The following DOCK2 variants were observed in gnomAD, a reference collection of about 807,000 sequenced individuals.
DOCK2 encodes the protein dedicator of cytokinesis 2.
DOCK2 carries 87 observed loss-of-function variants against 248.9 expected under a neutral mutation model. The ratio of observed to expected loss-of-function variants is 0.35; its 90% CI spans 0.29 to 0.42. The LOEUF (loss-of-function observed/expected upper bound fraction) is 0.42, where lower values mean the gene tolerates loss of function less well. Among genes scored for constraint, DOCK2 ranks in the 10% least tolerant of loss-of-function variants. The pLI is 1.00. For synonymous variants in DOCK2, 805 were observed against 821.6 expected, an observed-to-expected ratio of 0.98 and a Z score of 0.35; for missense variants, 1,747 against 2,300.2, an observed-to-expected ratio of 0.76 and a Z score of 4.92.
chr5:169,717,251 AAG>A (rs1334808556), intron 20 of DOCK2, 131 bp from the exon 21 acceptor site: 3 of 676,160 alleles, frequency 4.4e-6, no homozygotes, highest in Non-Finnish European at 7.8e-6. Context: ...TACCTTAATA[AAG>A]AGAACTCATT....
chr5:170,008,466 C>T, intron 30 of DOCK2, 31 bp from the exon 31 acceptor site: 1 of 1,612,080 alleles, frequency 6.2e-7, no homozygotes, highest in Non-Finnish European at 8.5e-7. Flanking sequence ...CAGACCCTCT[C>T]CATAACTGTT....
At position 169,699,394 on chromosome 5, in the gene DOCK2, G is replaced by A. The variant is rs1312770815; in HGVS notation, c.1068G>A (p.Glu356=). 1 of 1,613,230 alleles carries A rather than the reference G, an allele frequency of 6.2e-7. No homozygotes were observed. Among genetic ancestry groups the A allele is most frequent in the Non-Finnish European group, 8.5e-7 (1 of 1,179,570 alleles). Residue 356 remains glutamate, a synonymous_variant, in exon 12 of 52, where the codon GAG becomes GAA. Transcript: ENST00000520908. ...TTTTCCTTTCCAGGGTTACAGCTGA[G>A]AATGACTTCCTACACAGCCTGCTGG... is the stretch of plus-strand genomic sequence containing the variant. ...HFIPFHPVTA[E]NDFLHSLLGK... is the part of the protein sequence containing the mutation.
intron 26 of DOCK2, among the ~76,000 whole-genome samples, chr5:169,829,908 C>T (rs919602856): frequency 6.6e-6 from 1 of 152,158 alleles, no homozygotes; most frequent in Admixed American, 6.5e-5. Flanking sequence ...AAGCAGATGA[C>T]CCTGTTCTTC....
chr5:169,860,745 A>G (rs986192642), intron 27 of DOCK2, among the ~76,000 whole-genome samples: 4 of 152,212 alleles, frequency 2.6e-5, no homozygotes, highest in African/African-American at 7.2e-5. Flanking sequence ...TCTCTCAAAC[A>G]TCCTGTTTAG....
chr5:170,012,280 T>C (rs566154508), intron 32 of DOCK2, among the ~76,000 whole-genome samples: 13 of 147,574 alleles, frequency 8.8e-5, no homozygotes, highest in African/African-American at 1.2e-4. Flanking sequence ...TGACCAACGA[T>C]CTACGTTTTT....
At chr5:169,792,785 G>A (rs1766427626) in intron 25 of DOCK2, among the ~76,000 whole-genome samples, 1 of 152,168 alleles carries the variant, frequency 6.6e-6, no homozygotes, top group African/African-American at 2.4e-5. Flanking sequence ...ATCATTCTAA[G>A]CATTAGGAAA....
At chr5:169,985,728 T>C (rs1388518925) in intron 28 of DOCK2, 100 bp from the exon 29 acceptor site, 4 of 844,028 alleles carry the variant, frequency 4.7e-6, no homozygotes, top group Non-Finnish European at 7.0e-6. Context: ...CCTTCCCTTT[T>C]CCTCCCTCCA....
intron 1 of DOCK2, among the ~76,000 whole-genome samples, chr5:169,638,361 C>T (rs1467175601): frequency 1.3e-5 from 2 of 152,078 alleles, no homozygotes. Flanking sequence ...AAATGGTCCC[C>T]ATCCAGAGAA....
chr5:169,986,045 C>A (rs1393863975), intron 29 of DOCK2, 123 bp downstream of exon 29: 2 of 890,094 alleles, frequency 2.2e-6, no homozygotes, highest in Non-Finnish European at 3.3e-6. Context: ...TTAAGGCATG[C>A]TTTCTTTCTA....
At chr5:169,797,549 C>T (rs1352837475) in intron 25 of DOCK2, among the ~76,000 whole-genome samples, 1 of 152,220 alleles carries the variant, frequency 6.6e-6, no homozygotes, top group African/African-American at 2.4e-5. Flanking sequence ...CCGCATTTTC[C>T]TCTCTGCAGT....
intron 27 of DOCK2, among the ~76,000 whole-genome samples, chr5:169,886,311 A>G (rs991546030): frequency 8.5e-5 from 13 of 152,184 alleles, no homozygotes; most frequent in African/African-American, 3.1e-4. Context: ...CTCTGAGGAG[A>G]TGAACCTACT....
At chr5:169,885,503 A>G (rs1420952414) in intron 27 of DOCK2, among the ~76,000 whole-genome samples, 2 of 152,232 alleles carry the variant, frequency 1.3e-5, no homozygotes, top group African/African-American at 4.8e-5. Context: ...TTTAAGGACA[A>G]AATTCTCCCC....
At chr5:169,731,245 C>T (rs1762753198) in intron 22 of DOCK2, among the ~76,000 whole-genome samples, 1 of 152,130 alleles carries the variant, frequency 6.6e-6, no homozygotes, top group African/African-American at 2.4e-5. Context: ...ACCCAAATCT[C>T]ATCTTGAATT....
chr5:169,812,605 G>A (rs941025631), intron 26 of DOCK2, among the ~76,000 whole-genome samples: 11 of 152,180 alleles, frequency 7.2e-5, no homozygotes, highest in African/African-American at 2.7e-4. Flanking sequence ...TCTGTATGAT[G>A]AGGATACTCT....
At chr5:170,069,883 ATCTG>A (rs1757620891) in intron 46 of DOCK2, among the ~76,000 whole-genome samples, 1 of 151,108 alleles carries the variant, frequency 6.6e-6, no homozygotes, top group Admixed American at 6.6e-5. Context: ...CTCTCTGTGC[ATCTG>A]TCTGTCTTTC....
intron 32 of DOCK2, among the ~76,000 whole-genome samples, chr5:170,016,296 A>G (rs1755536777): frequency 6.6e-6 from 1 of 152,248 alleles, no homozygotes. Context: ...TCTCGAATAC[A>G]GCAGCAGGTG....
chr5:169,945,979 T>TGGTGCAACACCCC (rs1345782218), intron 27 of DOCK2, among the ~76,000 whole-genome samples: 43 of 152,290 alleles, frequency 2.8e-4, no homozygotes, highest in Non-Finnish European at 4.4e-4. Context: ...GCTCCAGCCC[T>TGGTGCAACACCCC]GGTGCAACAC....
intron 27 of DOCK2, among the ~76,000 whole-genome samples, chr5:169,925,578 TTAAAAAAAAAAAAA>T (rs1775401628): frequency 3.1e-5 from 1 of 32,324 alleles, no homozygotes; most frequent in Admixed American, 3.5e-4. Context: ...AGACTCTGTC[TTAAAAAAAAAAAAA>T]AAAAAAAAAA....
chr5:169,871,917 A>G lies in DOCK2; in HGVS notation c.2799+31065A>G, dbSNP rs538571002. Among the ~76,000 whole-genome samples the G allele has an allele frequency of 2.6e-5, 4 of 152,316 alleles. No homozygotes were observed. In the East Asian group the frequency reaches 7.7e-4, roughly 29 times the overall value. Reference sequence around the variant, plus strand: ...TGCTCTCCTTCTAAGGAGGCAGCCTATTGAAGATAATATCTGGGGTCAGCA... The same window carrying G: ...TGCTCTCCTTCTAAGGAGGCAGCCTGTTGAAGATAATATCTGGGGTCAGCA... On this transcript the variant is annotated intron_variant, in intron 27 of 51. Transcript: ENST00000520908.
Sources: gnomAD v4.1 joint callset for allele counts (sites outside exome capture counted in the v4.1 genomes callset) on GRCh38, gnomAD v4.1.1 for gene constraint, MANE v1.5 for transcripts, NCBI Gene and HGNC (gene_info 2026-07-23, HGNC 2026-07-21) for gene names.